Variants in LIPA observed in about 807,000 individuals in gnomAD.
LIPA encodes the protein lipase A, lysosomal acid type.
Under a neutral mutation model 40.6 loss-of-function variants are expected in LIPA, and 26 were observed. The ratio of observed to expected loss-of-function variants is 0.64; its 90% CI spans 0.47 to 0.89. The LOEUF (loss-of-function observed/expected upper bound fraction) is 0.89. LIPA is among the 40% of genes least tolerant of loss of function. LIPA has a pLI of 0.00. For synonymous variants in LIPA, 188 were observed against 168.4 expected (o/e 1.12, Z -0.90); for missense variants, 455 against 479.6 (o/e 0.95, Z 0.48).
At chr10:89,286,380 C>T (rs1843341245) in intron 1 of LIPA, among the ~76,000 whole-genome samples, 1 of 152,148 alleles carries the variant, frequency 6.6e-6, no homozygotes, top group Non-Finnish European at 1.5e-5. Flanking sequence ...CTCCCTTAGC[C>T]TCCGCTCCCC....
rs920676927 is a variant in LIPA, at chr10:89,403,660, G to A, written c.61+9131C>T. On this transcript the variant is annotated intron_variant, in intron 2 of 8. Transcript: ENST00000371837. ...AATGAAGCCCTGGAGTACTATGAGCGGGCCCTGAGACTGGCTGCTGACTTT... is the reference window on the plus strand; with the variant it reads ...AATGAAGCCCTGGAGTACTATGAGCAGGCCCTGAGACTGGCTGCTGACTTT... 16 of 1,608,914 alleles carry A rather than the reference G, an allele frequency of 9.9e-6. No individual in the cohort carries two copies. Among genetic ancestry groups the A allele is most frequent in the South Asian group, 4.5e-5 (4 of 89,502 alleles).
At chr10:89,396,249 C>A (rs1214647181) in intron 2 of LIPA, among the ~76,000 whole-genome samples, 6 of 152,184 alleles carry the variant, frequency 3.9e-5, no homozygotes, top group Non-Finnish European at 2.9e-5. Flanking sequence ...TTCTCCACAT[C>A]CTTATTGCCT....
At chr10:89,302,340 T>G (rs1198861130) in intron 1 of LIPA, among the ~76,000 whole-genome samples, 1 of 152,126 alleles carries the variant, frequency 6.6e-6, no homozygotes, top group East Asian at 1.9e-4. Flanking sequence ...GCAAGCTTCC[T>G]AAATTCATCT....
upstream of LIPA, among the ~76,000 whole-genome samples, chr10:89,254,155 T>G (rs117063426): frequency 1.3e-5 from 2 of 152,262 alleles, no homozygotes; most frequent in Admixed American, 1.3e-4. Context: ...TTGGGGACTC[T>G]GTGTGAGGCC....
At chr10:89,384,116 A>T in intron 2 of LIPA, 1 of 1,614,216 alleles carries the variant, frequency 6.2e-7, no homozygotes, top group African/African-American at 1.3e-5. Flanking sequence ...GGGTCTGTGG[A>T]TAAAGCTCTT....
intron 1 of LIPA, among the ~76,000 whole-genome samples, chr10:89,315,187 G>A (rs1589598485): frequency 6.6e-6 from 1 of 152,130 alleles, no homozygotes; most frequent in South Asian, 2.1e-4. Flanking sequence ...AAAGCACGGG[G>A]CCAAAGGCAC....
chr10:89,337,035 T>C lies in LIPA; in HGVS notation c.-2+5576A>G, dbSNP rs1029876266. ...AAATGAGTCCATTTTGTTTGTTTGT[T>C]GCAACAAATTCATTCTGTCTGGGAA... On this transcript the variant is annotated intron_variant, in intron 1 of 5. Transcript: ENST00000282673. Among the ~76,000 whole-genome samples the C allele has an allele frequency of 2.4e-4, 36 of 152,366 alleles. 1 individual carries two copies. The highest frequency in any genetic ancestry group is 8.4e-4 in the African/African-American group (35 of 41,590).
chr10:89,360,399 G>A lies in LIPA; in HGVS notation c.61+52392C>T, dbSNP rs547370575. ...TTCAGATTATTCATTAGCCAAAGGG[G>A]TAAGGGAAGAGAATGAAACCCAGTC... is the stretch of plus-strand genomic sequence containing the variant. On this transcript the variant is annotated intron_variant, in intron 2 of 8. Transcript: ENST00000371837. Among the ~76,000 whole-genome samples the A allele has an allele frequency of 2.2e-3, 331 of 152,280 alleles. 2 individuals carry two copies. Among genetic ancestry groups the A allele is most frequent in the South Asian group, 5.6e-3 (27 of 4,824 alleles).
intron 3 of LIPA, among the ~76,000 whole-genome samples, chr10:89,234,064 A>G (rs565721395): frequency 1.3e-5 from 2 of 152,360 alleles, no homozygotes; most frequent in Non-Finnish European, 2.9e-5. Flanking sequence ...AAGTCCCAGA[A>G]GAAGGAGAAA....
chr10:89,233,881 A>G (rs1473906011), intron 3 of LIPA, among the ~76,000 whole-genome samples: 1 of 151,990 alleles, frequency 6.6e-6, no homozygotes, highest in African/African-American at 2.4e-5. Context: ...ACCCCCCACA[A>G]AATAAAAAAG....
chr10:89,372,116 C>T (rs1367774808), intron 2 of LIPA, among the ~76,000 whole-genome samples: 9 of 152,192 alleles, frequency 5.9e-5, no homozygotes, highest in Admixed American at 4.6e-4. Flanking sequence ...TTCCCGTCTC[C>T]GGTGTACTAA....
chr10:89,362,067 AT>A (rs983504093), intron 2 of LIPA, among the ~76,000 whole-genome samples: 1 of 150,488 alleles, frequency 6.6e-6, no homozygotes, highest in African/African-American at 2.4e-5. Context: ...GCCCAGATAA[AT>A]TTTTTTTGCA....
chr10:89,311,709 A>C (rs1263240625), intron 1 of LIPA, among the ~76,000 whole-genome samples: 1 of 152,200 alleles, frequency 6.6e-6, no homozygotes, highest in Admixed American at 6.5e-5. Flanking sequence ...ATAATGATTA[A>C]GGCTTTTAGG....
intron 1 of LIPA, chr10:89,309,053 C>G (rs991561260): frequency 6.6e-5 from 10 of 152,194 alleles, no homozygotes; most frequent in Non-Finnish European, 1.3e-4. Flanking sequence ...TCATAATCAC[C>G]TGAACAGAAC....
intron 2 of LIPA, among the ~76,000 whole-genome samples, chr10:89,396,171 C>T (rs1023725078): frequency 1.4e-4 from 22 of 152,104 alleles, no homozygotes; most frequent in Admixed American, 1.4e-3. Context: ...ATTGAGGAAC[C>T]ACCACATTGT....
chr10:89,404,887 G>T (rs1844504512), intron 2 of LIPA: 1 of 152,060 alleles, frequency 6.6e-6, no homozygotes, highest in Non-Finnish European at 1.5e-5. Flanking sequence ...GCTGGAGCCA[G>T]GGAGTTCGAG....
intron 1 of LIPA, among the ~76,000 whole-genome samples, chr10:89,297,927 C>T (rs1237527439): frequency 6.6e-6 from 1 of 152,222 alleles, no homozygotes; most frequent in Non-Finnish European, 1.5e-5. Context: ...TGCCTAGGCT[C>T]ACACCTAAAG....
intron 1 of LIPA, chr10:89,277,884 C>G (rs1375679088): frequency 6.6e-6 from 1 of 152,150 alleles, no homozygotes; most frequent in Non-Finnish European, 1.5e-5. Context: ...CCACTCTTTC[C>G]TTTCTCTTGT....
chr10:89,245,711 C>T lies in LIPA; in HGVS notation c.194G>A (p.Arg65Gln), dbSNP rs1484023138. 8 of 1,600,724 alleles carry T rather than the reference C, an allele frequency of 5.0e-6. No individual in the cohort carries two copies. In the African/African-American group the frequency reaches 6.7e-5, roughly 13 times the overall value. Residue 65 changes from arginine (R) to glutamine (Q), a missense_variant, in exon 3 of 10, where the codon CGA becomes CAA. By Grantham distance (43) the Arg-to-Gln change is conservative. Coordinates refer to ENST00000336233, the MANE Select transcript of LIPA (RefSeq NM_000235.4). The stretch of plus-strand genomic sequence containing the variant: ...ATGGTTCTTCCTCCCATGAGGAATT[C>T]GGTTAAGGCACAGAATATATCCATC... ...TEDGYILCLN[R>Q]IPHGRKNHSD...
Sources: allele counts gnomAD v4.1 joint callset (sites outside exome capture counted in the v4.1 genomes callset), GRCh38; gene constraint gnomAD v4.1.1; transcripts MANE v1.5; gene names NCBI Gene and HGNC (gene_info 2026-07-23, HGNC 2026-07-21).